The following KCNK13 variants were observed in gnomAD, a reference collection of about 807,000 sequenced individuals.
KCNK13 encodes potassium two pore domain channel subfamily K member 13.
In KCNK13, 12 loss-of-function variants were observed where a neutral mutation model predicts 23.4. That is an observed-to-expected ratio of 0.51 (90% CI 0.33 to 0.83). The LOEUF (loss-of-function observed/expected upper bound fraction) is 0.83. Among genes scored for constraint, KCNK13 ranks in the 40% least tolerant of loss-of-function variants. The probability of loss-of-function intolerance (pLI) is 0.02; values close to 1 mark genes in which losing one functional copy is unlikely to be tolerated. For missense variants in KCNK13, 463 were observed against 556.3 expected (o/e 0.83, Z 1.69); for synonymous variants, 231 against 229.5 (o/e 1.01, Z -0.06).
Position 90,066,138 on chromosome 14 carries a change from A to AT in KCNK13, c.334+3616dup, listed in dbSNP as rs35664886. Among the ~76,000 whole-genome samples the AT allele has an allele frequency of 2.4e-3, 322 of 135,890 alleles. 2 individuals carry two copies. The South Asian group carries it at 0.025, about 11-fold the overall frequency. 89.1% of individuals were successfully genotyped at this position (135,890 alleles called of 152,430 possible). On this transcript the variant is annotated intron_variant, in intron 1 of 1. Coordinates refer to ENST00000282146, the MANE Select transcript of KCNK13 (RefSeq NM_022054.4). ...ACCACCAGGCCCAGCTAATTTTTGT[A>AT]TTTTTTTTTTTTTTTTTAGTGGAGA...
chr14:90,089,796 C>T (rs1889321092), intron 1 of KCNK13, among the ~76,000 whole-genome samples: 1 of 152,206 alleles, frequency 6.6e-6, no homozygotes, highest in Non-Finnish European at 1.5e-5. Flanking sequence ...CCAGCCATGA[C>T]TAAAAGGGGC....
intron 1 of KCNK13, among the ~76,000 whole-genome samples, chr14:90,145,663 T>A (rs1284763935): frequency 6.6e-6 from 1 of 152,172 alleles, no homozygotes; most frequent in Non-Finnish European, 1.5e-5. Flanking sequence ...TATTGATTCC[T>A]TATTGATCCT....
chr14:90,182,886 A>T (rs550444234), intron 1 of KCNK13, among the ~76,000 whole-genome samples: 84 of 151,442 alleles, frequency 5.5e-4, no homozygotes, highest in South Asian at 5.4e-3. Flanking sequence ...TGACTCAGGG[A>T]GGCATGCTCA....
At chr14:90,068,547 T>C (rs1889035561) in intron 1 of KCNK13, among the ~76,000 whole-genome samples, 1 of 152,040 alleles carries the variant, frequency 6.6e-6, no homozygotes, top group Admixed American at 6.6e-5. Context: ...GAGGCTGCAG[T>C]GAACCATGAT....
intron 1 of KCNK13, among the ~76,000 whole-genome samples, chr14:90,150,908 G>A (rs1173918117): frequency 6.6e-6 from 1 of 152,116 alleles, no homozygotes; most frequent in African/African-American, 2.4e-5. Flanking sequence ...GAGCCCAGGA[G>A]GCAGAGGTTG....
chr14:90,074,032 G>A (rs1309257451), intron 1 of KCNK13, among the ~76,000 whole-genome samples: 1 of 151,934 alleles, frequency 6.6e-6, no homozygotes, highest in Non-Finnish European at 1.5e-5. Context: ...GCAGTGACGC[G>A]ATCTTGGCTC....
At chr14:90,166,629 C>T (rs925765258) in intron 1 of KCNK13, among the ~76,000 whole-genome samples, 4 of 151,484 alleles carry the variant, frequency 2.6e-5, no homozygotes, top group African/African-American at 4.9e-5. Context: ...TCACTTGAAC[C>T]TGGGAGGTGG....
intron 1 of KCNK13, among the ~76,000 whole-genome samples, chr14:90,154,290 T>C (rs1239225366): frequency 6.8e-5 from 10 of 147,256 alleles, no homozygotes; most frequent in African/African-American, 1.5e-4. Flanking sequence ...CCCACAATGC[T>C]GTGCTCTCCT....
At chr14:90,090,073 G>A (rs944663668) in intron 1 of KCNK13, among the ~76,000 whole-genome samples, 15 of 152,242 alleles carry the variant, frequency 9.9e-5, no homozygotes, top group African/African-American at 3.6e-4. Context: ...GGCCCCTACT[G>A]GGGCACCACA....
intron 1 of KCNK13, among the ~76,000 whole-genome samples, chr14:90,163,434 A>T (rs939033838): frequency 6.6e-6 from 1 of 152,224 alleles, no homozygotes; most frequent in Non-Finnish European, 1.5e-5. Flanking sequence ...TTCAGGATTT[A>T]AATCATTCTC....
intron 1 of KCNK13, among the ~76,000 whole-genome samples, chr14:90,152,439 G>A (rs11849691): frequency 0.065 from 9,883 of 152,188 alleles, 416 homozygotes; most frequent in South Asian, 0.21. Context: ...GAAGGCTGAG[G>A]CAGGAGAATC....
At chr14:90,156,367 A>G (rs1390637994) in intron 1 of KCNK13, among the ~76,000 whole-genome samples, 8 of 152,214 alleles carry the variant, frequency 5.3e-5, no homozygotes, top group Admixed American at 5.2e-4. Context: ...AAGAAGAGCT[A>G]GCAAAGGAGA....
chr14:90,088,926 A>C (rs1303962918), intron 1 of KCNK13, among the ~76,000 whole-genome samples: 1 of 152,126 alleles, frequency 6.6e-6, no homozygotes, highest in Non-Finnish European at 1.5e-5. Context: ...GTAAGACTTG[A>C]CTTCTCCTCC....
Position 90,185,156 on chromosome 14 carries a change from C to A in KCNK13, c.*153C>A. 1 of 610,876 alleles carries A rather than the reference C, an allele frequency of 1.6e-6. No individual in the cohort carries two copies. Among genetic ancestry groups the A allele is most frequent in the Non-Finnish European group, 2.7e-6 (1 of 373,626 alleles). The allele number at this position is 610,876 out of a possible 1,614,324, so 37.8% of individuals were successfully genotyped here. On this transcript the variant is annotated 3_prime_UTR_variant, in exon 2 of 2. Coordinates refer to ENST00000282146, the MANE Select transcript of KCNK13 (RefSeq NM_022054.4). ...ATCTTTAGAAATCTGATCTCGGCTC[C>A]AACCAACAGCCACCTTCCAGGGATG...
chr14:90,153,613 A>C (rs1377656150), intron 1 of KCNK13, among the ~76,000 whole-genome samples: 1 of 152,236 alleles, frequency 6.6e-6, no homozygotes, highest in Non-Finnish European at 1.5e-5. Context: ...ATAGCACATA[A>C]TCTGGCATGC....
At chr14:90,080,043 T>C (rs1291730422) in intron 1 of KCNK13, among the ~76,000 whole-genome samples, 1 of 152,176 alleles carries the variant, frequency 6.6e-6, no homozygotes, top group Non-Finnish European at 1.5e-5. Flanking sequence ...TGGTGGACAA[T>C]GCTATTGTTG....
intron 1 of KCNK13, among the ~76,000 whole-genome samples, chr14:90,140,446 G>A (rs760089798): frequency 6.6e-6 from 1 of 152,142 alleles, no homozygotes; most frequent in African/African-American, 2.4e-5. Flanking sequence ...GGGGAAGAGG[G>A]AACAAAGGAA....
intron 1 of KCNK13, among the ~76,000 whole-genome samples, chr14:90,149,453 G>T (rs1596799673): frequency 6.6e-6 from 1 of 152,216 alleles, no homozygotes. Context: ...AGGTGCAAAG[G>T]CACATCTTAC....
chr14:90,090,412 C>G (rs1889331001), intron 1 of KCNK13, among the ~76,000 whole-genome samples: 1 of 152,206 alleles, frequency 6.6e-6, no homozygotes. Context: ...AGTGGGTATA[C>G]CCAATGCCTG....
Sources: allele counts gnomAD v4.1 joint callset (sites outside exome capture counted in the v4.1 genomes callset), GRCh38; gene constraint gnomAD v4.1.1; transcripts MANE v1.5; gene names NCBI Gene and HGNC (gene_info 2026-07-23, HGNC 2026-07-21).